Variants in SPTLC3 observed in about 807,000 individuals in gnomAD.
SPTLC3 encodes serine palmitoyltransferase 3.
A neutral mutation model predicts 59.3 loss-of-function variants in SPTLC3; 36 were observed. That is an observed-to-expected ratio of 0.61 (90% CI 0.47 to 0.80). SPTLC3 has a LOEUF of 0.80. SPTLC3 is among the 30% of genes least tolerant of loss of function. The pLI is 0.00. For synonymous variants in SPTLC3, 257 were observed against 240.8 expected (o/e 1.07, Z -0.62); for missense variants, 625 against 685.1 (o/e 0.91, Z 0.98).
intron 1 of SPTLC3, among the ~76,000 whole-genome samples, chr20:13,037,278 A>C: frequency 6.6e-6 from 1 of 152,190 alleles, no homozygotes; most frequent in East Asian, 1.9e-4. Context: ...CAAGACTACT[A>C]TGGCTATCTT....
chr20:13,039,161 T>C (rs547245129), intron 1 of SPTLC3, among the ~76,000 whole-genome samples: 2 of 152,070 alleles, frequency 1.3e-5, no homozygotes, highest in African/African-American at 2.4e-5. Context: ...ATTGTTCAAG[T>C]CTTCTATTTT....
chr20:13,074,221 G>A, intron 3 of SPTLC3, 128 bp from the exon 4 acceptor site: 1 of 1,185,832 alleles, frequency 8.4e-7, no homozygotes, highest in Non-Finnish European at 1.2e-6. Context: ...ACAGATCTGA[G>A]CTGCCATCTC....
At chr20:13,159,489 C>T (rs1270848604) in intron 10 of SPTLC3, among the ~76,000 whole-genome samples, 1 of 152,148 alleles carries the variant, frequency 6.6e-6, no homozygotes, top group African/African-American at 2.4e-5. Context: ...ACTACAGACC[C>T]TCTGATCTTG....
chr20:13,056,594 A>G (rs1419641423), intron 2 of SPTLC3, among the ~76,000 whole-genome samples: 1 of 151,670 alleles, frequency 6.6e-6, no homozygotes, highest in African/African-American at 2.4e-5. Flanking sequence ...GACCACAGGC[A>G]TGTGCCACCA....
rs534474467 is a variant in SPTLC3, at chr20:13,017,694, T to A, written c.117+8310T>A. Among the ~76,000 whole-genome samples the A allele has an allele frequency of 1.1e-4, 16 of 152,296 alleles. No individual in the cohort carries two copies. In the South Asian group the frequency reaches 3.3e-3, roughly 32 times the overall value. On this transcript the variant is annotated intron_variant, in intron 1 of 11. Coordinates refer to ENST00000399002, the MANE Select transcript of SPTLC3 (RefSeq NM_018327.4). ...ATGTGTGGCTCAAGACAATTCTTCT[T>A]CCAATGTGGCCCTGGAAAGCCAAAA...
At chr20:13,141,376 C>T (rs528484186) in intron 9 of SPTLC3, among the ~76,000 whole-genome samples, 2 of 152,198 alleles carry the variant, frequency 1.3e-5, no homozygotes, top group East Asian at 1.9e-4. Flanking sequence ...GACTGTGGTG[C>T]GGGTGATAAA....
At chr20:13,139,401 T>C (rs2038328388) in intron 9 of SPTLC3, among the ~76,000 whole-genome samples, 1 of 152,206 alleles carries the variant, frequency 6.6e-6, no homozygotes, top group Non-Finnish European at 1.5e-5. Flanking sequence ...ATTCATTTTT[T>C]CCTAACATAA....
intron 1 of SPTLC3, among the ~76,000 whole-genome samples, chr20:13,016,992 G>A (rs1327312143): frequency 1.3e-5 from 2 of 152,040 alleles, no homozygotes; most frequent in Non-Finnish European, 2.9e-5. Flanking sequence ...TCAAAACCAG[G>A]TATGGAAACC....
intron 2 of SPTLC3, among the ~76,000 whole-genome samples, chr20:13,052,884 C>A (rs1454569477): frequency 6.6e-6 from 1 of 152,172 alleles, no homozygotes; most frequent in African/African-American, 2.4e-5. Flanking sequence ...AGAAAGGCAG[C>A]AGCCCCAGTC....
intron 8 of SPTLC3, among the ~76,000 whole-genome samples, chr20:13,124,332 A>G (rs2037936847): frequency 6.6e-6 from 1 of 151,892 alleles, no homozygotes. Flanking sequence ...AGAAGAAAAG[A>G]GGAAAGAAGG....
At chr20:13,111,893 C>T (rs1237571596) in intron 7 of SPTLC3, among the ~76,000 whole-genome samples, 4 of 152,200 alleles carry the variant, frequency 2.6e-5, no homozygotes, top group African/African-American at 4.8e-5. Context: ...ATATTCCCAT[C>T]AGCTACACAG....
intron 6 of SPTLC3, among the ~76,000 whole-genome samples, chr20:13,109,304 T>A (rs771780598): frequency 2.0e-5 from 3 of 152,236 alleles, no homozygotes; most frequent in Non-Finnish European, 4.4e-5. Flanking sequence ...GGACAATGGC[T>A]TTCACATAAG....
intron 6 of SPTLC3, among the ~76,000 whole-genome samples, chr20:13,100,589 A>T (rs1364422849): frequency 2.0e-5 from 3 of 152,158 alleles, no homozygotes; most frequent in Non-Finnish European, 4.4e-5. Context: ...AACAACAAAA[A>T]AAACACCTGA....
chr20:13,070,572 C>T (rs1033563947), intron 2 of SPTLC3, among the ~76,000 whole-genome samples: 2 of 152,158 alleles, frequency 1.3e-5, no homozygotes, highest in African/African-American at 4.8e-5. Flanking sequence ...GCCAAGTGCT[C>T]CAAAGCATAG....
intron 9 of SPTLC3, among the ~76,000 whole-genome samples, chr20:13,137,112 A>C (rs2122859272): frequency 6.6e-6 from 1 of 152,268 alleles, no homozygotes; most frequent in Non-Finnish European, 1.5e-5. Flanking sequence ...GTTCCTCTTC[A>C]ATCTGGGCTT....
chr20:13,116,451 A>C (rs1990555607), intron 7 of SPTLC3, among the ~76,000 whole-genome samples: 1 of 152,172 alleles, frequency 6.6e-6, no homozygotes, highest in Non-Finnish European at 1.5e-5. Context: ...AGAACTGATT[A>C]CTGTCAGATT....
At position 13,110,210 on chromosome 20, in the gene SPTLC3, G is replaced by A. The variant is rs1990149634; in HGVS notation, c.925G>A (p.Val309Ile). 6.2e-7 allele frequency: 1 copy of A among 1,613,354 alleles called. No individual in the cohort carries two copies. Among genetic ancestry groups the A allele is most frequent in the Non-Finnish European group, 8.5e-7 (1 of 1,179,598 alleles). The change falls in exon 7 of 12, where the codon GTC becomes ATC. Residue 309 changes from valine to isoleucine, a missense_variant. Physicochemically the swap from Val to Ile is conservative, Grantham distance 29. Transcript: ENST00000399002. ...AAAGATTCTCATCCTGGTGGAGGGTGTCTACAGGTATGTAAATAACAGGAC... is the reference window on the plus strand; with the variant it reads ...AAAGATTCTCATCCTGGTGGAGGGTATCTACAGGTATGTAAATAACAGGAC... The part of the protein sequence containing the change: ...WKKILILVEG[V>I]YSMEGSIVHL...
chr20:13,020,094 A>G (rs963767143), intron 1 of SPTLC3, among the ~76,000 whole-genome samples: 3 of 152,196 alleles, frequency 2.0e-5, no homozygotes, highest in African/African-American at 7.2e-5. Context: ...AAAACAGCAA[A>G]TCAACTGTTC....
intron 5 of SPTLC3, among the ~76,000 whole-genome samples, chr20:13,093,012 G>A (rs931076715): frequency 1.1e-4 from 17 of 152,128 alleles, no homozygotes; most frequent in Admixed American, 9.2e-4. Context: ...TTGCATACAT[G>A]GGATGTTAAT....
Sources: gnomAD v4.1 joint callset for allele counts (sites outside exome capture counted in the v4.1 genomes callset) on GRCh38, gnomAD v4.1.1 for gene constraint, MANE v1.5 for transcripts, NCBI Gene and HGNC (gene_info 2026-07-23, HGNC 2026-07-21) for gene names.